The following C9 variants were observed in gnomAD, a reference collection of about 807,000 sequenced individuals.
C9 encodes the protein complement component C9.
C9 carries 63 observed loss-of-function variants against 65.4 expected under a neutral mutation model. The observed-to-expected ratio is 0.96, with a 90% CI of 0.79 to 1.19. C9 has a LOEUF of 1.19. Among genes scored for constraint, C9 ranks in the 50% most tolerant of loss-of-function variants. The pLI is 0.00. For synonymous variants in C9, 229 were observed against 227.9 expected (o/e 1.00, Z -0.04); for missense variants, 744 against 670.1 (o/e 1.11, Z -1.22).
intron 1 of C9, among the ~76,000 whole-genome samples, chr5:39,352,063 C>T (rs535923382): frequency 6.6e-6 from 1 of 152,172 alleles, no homozygotes; most frequent in Non-Finnish European, 1.5e-5. Context: ...CCTCAGGAAA[C>T]CCAATCATGG....
intron 4 of C9, among the ~76,000 whole-genome samples, chr5:39,334,705 C>T (rs185462665): frequency 0.024 from 3,578 of 150,436 alleles, 211 homozygotes; most frequent in African/African-American, 0.084. Context: ...GGGCGGTCAG[C>T]CCCCCGCCTG....
intron 1 of C9, among the ~76,000 whole-genome samples, chr5:39,346,850 T>C (rs1364057388): frequency 6.6e-6 from 1 of 152,234 alleles, no homozygotes; most frequent in Admixed American, 6.5e-5. Flanking sequence ...ATCCCTGGGA[T>C]GCAAGGCTGG....
At chr5:39,358,603 G>A (rs763111052) in intron 1 of C9, among the ~76,000 whole-genome samples, 1 of 152,180 alleles carries the variant, frequency 6.6e-6, no homozygotes, top group African/African-American at 2.4e-5. Context: ...GGACAAAAAT[G>A]GAGGCAGGCA....
chr5:39,306,847 G>T, intron 8 of C9, 55 bp from the exon 9 acceptor site: 1 of 1,216,782 alleles, frequency 8.2e-7, no homozygotes, highest in Non-Finnish European at 1.2e-6. Flanking sequence ...AGAGAAGCCA[G>T]TTATCAAAAG....
intron 9 of C9, among the ~76,000 whole-genome samples, chr5:39,305,379 T>C (rs1305406315): frequency 6.6e-6 from 1 of 152,116 alleles, no homozygotes; most frequent in Non-Finnish European, 1.5e-5. Flanking sequence ...AAGGAGATAG[T>C]GGTTTCACTC....
At chr5:39,329,519 C>T (rs1000745664) in intron 5 of C9, among the ~76,000 whole-genome samples, 13 of 152,228 alleles carry the variant, frequency 8.5e-5, no homozygotes, top group African/African-American at 3.1e-4. Flanking sequence ...AGCAGAGTGG[C>T]TCTAGAACCA....
rs1169282588 is a variant in C9 at position 39,308,303 on chromosome 5, C to T, written c.1167G>A (p.Leu389=). ...RCLGYHLDVS[L]AFSEISVGAE... ...CTCCAACAGAGATTTCAGAGAAAGC[C>T]AGAGATACATCCAGATGATACCCAA... Residue 389 remains leucine, a synonymous_variant, in exon 8 of 11, where the codon CTG becomes CTA. Coordinates refer to ENST00000263408, the MANE Select transcript of C9 (RefSeq NM_001737.5). 11 of 1,607,856 alleles carry T rather than the reference C, an allele frequency of 6.8e-6. No individual in the cohort carries two copies. The highest frequency in any genetic ancestry group is 2.2e-5 in the East Asian group (1 of 44,806).
intron 4 of C9, among the ~76,000 whole-genome samples, chr5:39,336,200 T>C (rs1260948597): frequency 6.6e-6 from 1 of 152,138 alleles, no homozygotes; most frequent in African/African-American, 2.4e-5. Flanking sequence ...TTTTTATTCC[T>C]TTTTATTTAT....
chr5:39,286,945 G>A (rs1753001008), intron 10 of C9, among the ~76,000 whole-genome samples: 1 of 151,880 alleles, frequency 6.6e-6, no homozygotes, highest in Non-Finnish European at 1.5e-5. Flanking sequence ...AATGATAAAC[G>A]AGGCTGTGAA....
At position 39,296,820 on chromosome 5, in the gene C9, A is replaced by G. The variant is rs371857237; in HGVS notation, c.1417-7869T>C. Among the ~76,000 whole-genome samples the G allele has an allele frequency of 2.2e-4, 34 of 151,744 alleles. 1 individual carries two copies. The highest frequency in any genetic ancestry group is 7.0e-4 in the African/African-American group (29 of 41,512). On this transcript the variant is annotated intron_variant, in intron 9 of 10. Transcript: ENST00000263408. ...AACTGGAGGATATTATGTTAAGTGA[A>G]ATAAGCCAGAAAGAGAAAGCTAAAC...
intron 9 of C9, among the ~76,000 whole-genome samples, chr5:39,290,524 G>T (rs1305798121): frequency 6.6e-6 from 1 of 151,746 alleles, no homozygotes; most frequent in African/African-American, 2.4e-5. Flanking sequence ...TCCTGCAGAA[G>T]AATAATGATG....
At chr5:39,299,396 C>G (rs985581630) in intron 9 of C9, among the ~76,000 whole-genome samples, 7 of 151,918 alleles carry the variant, frequency 4.6e-5, no homozygotes, top group African/African-American at 1.7e-4. Context: ...TCATAATCAC[C>G]AAAAAATATC....
intron 1 of C9, among the ~76,000 whole-genome samples, chr5:39,359,771 G>A (rs1474761994): frequency 6.6e-6 from 1 of 152,198 alleles, no homozygotes. Context: ...ACTTGACTGA[G>A]TTGTAATTGC....
At chr5:39,307,934 C>T (rs745503461) in intron 8 of C9, among the ~76,000 whole-genome samples, 2 of 152,040 alleles carry the variant, frequency 1.3e-5, no homozygotes, top group African/African-American at 2.4e-5. Flanking sequence ...AGAAAGGAAA[C>T]TTTTTATGAA....
intron 1 of C9, among the ~76,000 whole-genome samples, chr5:39,355,296 G>A (rs531105491): frequency 6.6e-6 from 1 of 152,104 alleles, no homozygotes; most frequent in South Asian, 2.1e-4. Context: ...ACCCAACCAG[G>A]GCTATTCATC....
intron 5 of C9, among the ~76,000 whole-genome samples, chr5:39,317,224 T>A (rs528557818): frequency 2.6e-5 from 4 of 152,308 alleles, no homozygotes; most frequent in South Asian, 2.1e-4. Flanking sequence ...TTTGTTTAAG[T>A]TCCTCATAGA....
chr5:39,294,103 T>C (rs1753144518), intron 9 of C9, among the ~76,000 whole-genome samples: 1 of 151,562 alleles, frequency 6.6e-6, no homozygotes, highest in South Asian at 2.1e-4. Context: ...ACTTCAAAAA[T>C]CTAGAAAATT....
intron 1 of C9, among the ~76,000 whole-genome samples, chr5:39,360,501 C>A (rs1237994367): frequency 2.0e-5 from 3 of 151,950 alleles, no homozygotes; most frequent in Admixed American, 2.0e-4. Context: ...CTAAAACATA[C>A]CACATAAAGT....
intron 4 of C9, among the ~76,000 whole-genome samples, chr5:39,335,898 G>A (rs958797462): frequency 6.6e-6 from 1 of 152,060 alleles, no homozygotes. Flanking sequence ...GCTCAGAGAC[G>A]GAAATGGCAT....
Sources: gnomAD v4.1 joint callset for allele counts (sites outside exome capture counted in the v4.1 genomes callset) on GRCh38, gnomAD v4.1.1 for gene constraint, MANE v1.5 for transcripts, NCBI Gene and HGNC (gene_info 2026-07-23, HGNC 2026-07-21) for gene names.